The following IMPG2 variants were observed in gnomAD, a reference collection of about 807,000 sequenced individuals.
The protein encoded by IMPG2 is interphotoreceptor matrix proteoglycan 2.
Under a neutral mutation model 129.2 loss-of-function variants are expected in IMPG2, and 91 were observed. The observed-to-expected ratio is 0.70, with a 90% confidence interval of 0.59 to 0.84. The LOEUF is 0.84. Ranked by LOEUF, IMPG2 falls within the 40% of genes least tolerant of loss-of-function variation. The pLI is 0.00. For missense variants in IMPG2, 1,430 were observed against 1,461.7 expected (o/e 0.98, Z 0.35); for synonymous variants, 510 against 517.7 (o/e 0.99, Z 0.20).
At chr3:101,237,568 G>A (rs1353877139) in intron 14 of IMPG2, among the ~76,000 whole-genome samples, 4 of 152,114 alleles carry the variant, frequency 2.6e-5, no homozygotes, top group African/African-American at 9.7e-5. Context: ...GTGATACCCA[G>A]GCAAACAGAG....
intron 14 of IMPG2, among the ~76,000 whole-genome samples, chr3:101,235,563 TG>T (rs1706336835): frequency 6.6e-6 from 1 of 152,224 alleles, no homozygotes; most frequent in South Asian, 2.1e-4. Flanking sequence ...ATAGCCTTTT[TG>T]CTTCCAGGCC....
rs749733874 is a variant in IMPG2 at position 101,226,927 on chromosome 3, T to A, written c.*42A>T. On this transcript the variant is annotated 3_prime_UTR_variant, in exon 19 of 19. Transcript: ENST00000193391. Reference sequence around the variant, plus strand: ...TGACATAAGTAACAAGTAATCTCCATCTTCTCCAGGCTTCTAATCAGTTTC... The same window carrying A: ...TGACATAAGTAACAAGTAATCTCCAACTTCTCCAGGCTTCTAATCAGTTTC... 6.2e-7 allele frequency: 1 copy of A among 1,602,748 alleles called. No individual in the cohort carries two copies. Among genetic ancestry groups the A allele is most frequent in the Non-Finnish European group, 8.5e-7 (1 of 1,169,958 alleles).
At chr3:101,273,465 A>G in intron 7 of IMPG2, 116 bp downstream of exon 7, 1 of 1,098,658 alleles carries the variant, frequency 9.1e-7, no homozygotes, top group Non-Finnish European at 1.3e-6. Flanking sequence ...TAACCACTCC[A>G]GGAACCAAGT....
chr3:101,227,584 A>T (rs923856945), intron 18 of IMPG2, among the ~76,000 whole-genome samples: 4 of 152,232 alleles, frequency 2.6e-5, no homozygotes, highest in Non-Finnish European at 5.9e-5. Context: ...CATTCCTGTT[A>T]TTTCTATTGG....
chr3:101,254,175 T>C (rs1423283582), intron 10 of IMPG2, among the ~76,000 whole-genome samples: 1 of 152,120 alleles, frequency 6.6e-6, no homozygotes, highest in Non-Finnish European at 1.5e-5. Flanking sequence ...TAGAAAAGCA[T>C]GCAAAAATAA....
chr3:101,232,700 C>T (rs1706302528), intron 15 of IMPG2, 81 bp downstream of exon 15: 2 of 1,183,486 alleles, frequency 1.7e-6, no homozygotes, highest in Non-Finnish European at 2.5e-6. Flanking sequence ...AATAAGTATC[C>T]TAAAATTATA....
At chr3:101,308,450 G>A (rs1156738962) in intron 2 of IMPG2, among the ~76,000 whole-genome samples, 1 of 152,248 alleles carries the variant, frequency 6.6e-6, no homozygotes, top group Non-Finnish European at 1.5e-5. Flanking sequence ...GCACCTGCAG[G>A]CCCAACACCA....
intron 11 of IMPG2, among the ~76,000 whole-genome samples, chr3:101,249,083 C>A (rs1162694212): frequency 6.6e-6 from 1 of 152,222 alleles, no homozygotes; most frequent in Non-Finnish European, 1.5e-5. Context: ...ATTACAGCTC[C>A]AGCTGTCAGT....
At chr3:101,304,057 T>C in intron 3 of IMPG2, 89 bp downstream of exon 3, 4 of 1,375,634 alleles carry the variant, frequency 2.9e-6, no homozygotes, top group Non-Finnish European at 4.1e-6. Context: ...ATACAGGCAT[T>C]TGCCACTTGC....
chr3:101,277,483 A>G (rs1258701053), intron 4 of IMPG2, among the ~76,000 whole-genome samples: 5 of 152,280 alleles, frequency 3.3e-5, no homozygotes, highest in Admixed American at 3.3e-4. Context: ...CAATAATTAC[A>G]GATGAGACAA....
intron 3 of IMPG2, among the ~76,000 whole-genome samples, chr3:101,295,347 C>T (rs1707067499): frequency 6.6e-6 from 1 of 152,040 alleles, no homozygotes. Flanking sequence ...ATTCTTTCCC[C>T]AGCTTGTTTT....
intron 11 of IMPG2, among the ~76,000 whole-genome samples, chr3:101,249,523 T>C (rs1158373043): frequency 1.3e-5 from 2 of 151,810 alleles, no homozygotes; most frequent in African/African-American, 4.8e-5. Context: ...AAGTATATGA[T>C]GCAATGTTAG....
chr3:101,294,112 A>C (rs1453752037), intron 3 of IMPG2, among the ~76,000 whole-genome samples: 3 of 152,066 alleles, frequency 2.0e-5, no homozygotes, highest in Non-Finnish European at 4.4e-5. Flanking sequence ...TCTGGGATAC[A>C]AGTGTAGAAT....
At chr3:101,319,546 T>C in intron 2 of IMPG2, 38 bp downstream of exon 2, 1 of 1,610,938 alleles carries the variant, frequency 6.2e-7, no homozygotes, top group South Asian at 1.1e-5. Context: ...TATGTTTGAA[T>C]TTCATTATGG....
intron 2 of IMPG2, among the ~76,000 whole-genome samples, chr3:101,305,296 C>T (rs1707177452): frequency 6.6e-6 from 1 of 152,014 alleles, no homozygotes; most frequent in South Asian, 2.1e-4. Context: ...ACTATGGAGA[C>T]AGTAAAAAGA....
intron 3 of IMPG2, among the ~76,000 whole-genome samples, chr3:101,297,263 G>A (rs548590562): frequency 1.3e-5 from 2 of 152,228 alleles, no homozygotes; most frequent in Admixed American, 1.3e-4. Context: ...ATTATTTATT[G>A]TGTCTATTTG....
rs1706215236 is a variant in IMPG2 at position 101,225,801 on chromosome 3, T to C, written c.*1168A>G. On this transcript the variant is annotated 3_prime_UTR_variant, in exon 19 of 19. Transcript: ENST00000193391. ...TCCTCTCCCCCTCCAAAGCAACCCA[T>C]TCAAAAAAAACACTAGGGGGAAAGA... 1 of 152,022 alleles carries C rather than the reference T, an allele frequency of 6.6e-6. No homozygotes were observed. The highest frequency in any genetic ancestry group is 1.5e-5 in the Non-Finnish European group (1 of 68,004). The allele number at this position is 152,022 out of a possible 1,614,324, so 9.4% of individuals were successfully genotyped here.
chr3:101,282,414 T>G (rs1232625348), intron 4 of IMPG2, among the ~76,000 whole-genome samples: 1 of 152,174 alleles, frequency 6.6e-6, no homozygotes, highest in African/African-American at 2.4e-5. Context: ...AATACAAATT[T>G]TTAAATTTTC....
chr3:101,265,637 T>G (rs1469167509), intron 9 of IMPG2, among the ~76,000 whole-genome samples: 1 of 152,078 alleles, frequency 6.6e-6, no homozygotes, highest in Non-Finnish European at 1.5e-5. Flanking sequence ...GACATTGGTC[T>G]TGAAAAAGAT....
Sources: gnomAD v4.1 joint callset for allele counts (sites outside exome capture counted in the v4.1 genomes callset) on GRCh38, gnomAD v4.1.1 for gene constraint, MANE v1.5 for transcripts, NCBI Gene and HGNC (gene_info 2026-07-23, HGNC 2026-07-21) for gene names.